Variants in GASK1A observed in about 807,000 individuals in gnomAD.
The protein encoded by GASK1A is Golgi-associated kinase 1A.
Under a neutral mutation model 41.2 loss-of-function variants are expected in GASK1A, and 40 were observed. The observed-to-expected ratio is 0.97, with a 90% CI of 0.75 to 1.27. The LOEUF (loss-of-function observed/expected upper bound fraction) is 1.27, where lower values mean the gene tolerates loss of function less well. Ranked by LOEUF, GASK1A falls within the 50% of genes most tolerant of loss-of-function variation. The probability of loss-of-function intolerance (pLI) is 0.00; values close to 1 mark genes in which losing one functional copy is unlikely to be tolerated. For missense variants in GASK1A, 678 were observed against 745.1 expected (o/e 0.91, Z 1.05); for synonymous variants, 316 against 307.1 (o/e 1.03, Z -0.30).
intron 2 of GASK1A, among the ~76,000 whole-genome samples, chr3:43,040,645 G>A (rs2089631594): frequency 6.6e-6 from 1 of 152,010 alleles, no homozygotes; most frequent in Admixed American, 6.6e-5. Context: ...CTTCAGCTGG[G>A]TCTTCACTTT....
intron 1 of GASK1A, among the ~76,000 whole-genome samples, chr3:43,015,549 C>T (rs913302513): frequency 7.0e-6 from 1 of 141,972 alleles, no homozygotes; most frequent in Non-Finnish European, 1.5e-5. Context: ...AAGAAAGGGG[C>T]TGTGTGAGGC....
chr3:43,001,321 C>G (rs755875037), intron 1 of GASK1A, among the ~76,000 whole-genome samples: 1 of 152,166 alleles, frequency 6.6e-6, no homozygotes, highest in Non-Finnish European at 1.5e-5. Context: ...ATATGCAGTC[C>G]GGGAAAGCGA....
intron 1 of GASK1A, among the ~76,000 whole-genome samples, chr3:43,001,391 G>GGC: frequency 6.6e-6 from 1 of 152,272 alleles, no homozygotes; most frequent in East Asian, 1.9e-4. Context: ...CATCTAGCCT[G>GGC]CAATGGACTT....
intron 2 of GASK1A, 123 bp downstream of exon 2, chr3:43,033,676 C>T (rs2089591667): frequency 1.2e-6 from 1 of 859,096 alleles, no homozygotes; most frequent in Non-Finnish European, 1.7e-6. Flanking sequence ...TTTTTGACCA[C>T]CAAGCACCTG....
chr3:42,998,495 C>T (rs939326277), intron 1 of GASK1A, among the ~76,000 whole-genome samples: 6 of 152,244 alleles, frequency 3.9e-5, no homozygotes, highest in South Asian at 2.1e-4. Context: ...TATGTCCCTG[C>T]GACTTTTATA....
At chr3:42,993,536 T>A (rs189336250) in intron 1 of GASK1A, among the ~76,000 whole-genome samples, 1 of 152,328 alleles carries the variant, frequency 6.6e-6, no homozygotes, top group Non-Finnish European at 1.5e-5. Context: ...GTATTTTTCA[T>A]TTTATACAAT....
At chr3:43,034,012 T>C (rs2089593138) in intron 2 of GASK1A, among the ~76,000 whole-genome samples, 1 of 152,220 alleles carries the variant, frequency 6.6e-6, no homozygotes. Flanking sequence ...TTGAAATCCG[T>C]CAGGGTGTGA....
chr3:43,001,646 T>G (rs753516131), intron 1 of GASK1A, among the ~76,000 whole-genome samples: 1 of 152,132 alleles, frequency 6.6e-6, no homozygotes, highest in Non-Finnish European at 1.5e-5. Flanking sequence ...GCTACTTACT[T>G]CCAGGGACAC....
intron 2 of GASK1A, among the ~76,000 whole-genome samples, chr3:43,051,372 AG>A (rs566493100): frequency 7.0e-4 from 107 of 152,336 alleles, no homozygotes; most frequent in African/African-American, 2.5e-3. Flanking sequence ...TCTTTGCCAA[AG>A]GACTCTGTGT....
chr3:43,047,639 T>C lies in GASK1A; in HGVS notation c.1291-5882T>C, dbSNP rs536907929. Among the ~76,000 whole-genome samples the C allele has an allele frequency of 3.3e-5, 5 of 152,248 alleles. No individual in the cohort carries two copies. In the East Asian group the frequency reaches 9.7e-4, roughly 29 times the overall value. ...TTGTTGAGGGGAGAGGTTCCTTCTC[T>C]CTCTCCCCTTCTCTCATACTCTTCT... On this transcript the variant is annotated intron_variant, in intron 2 of 4. Transcript: ENST00000430121.
intron 2 of GASK1A, among the ~76,000 whole-genome samples, chr3:43,034,603 A>G (rs949490189): frequency 1.3e-5 from 2 of 152,226 alleles, no homozygotes; most frequent in African/African-American, 4.8e-5. Flanking sequence ...CCTGTTGAAG[A>G]AAAGGGTCCT....
rs1259613260 is a variant in GASK1A at position 43,056,909 on chromosome 3, TA to T, written c.*529del. 6 of 152,192 alleles carry T rather than the reference TA, an allele frequency of 3.9e-5. No homozygotes were observed. The highest frequency in any genetic ancestry group is 8.8e-5 in the Non-Finnish European group (6 of 68,060). 9.4% of individuals were successfully genotyped at this position (152,192 alleles called of 1,614,324 possible). A position where few individuals can be genotyped will look rare whatever the true frequency, so the allele number is the denominator to read the frequency against. ...TTATTACTCAGTTATGTTTTTGGTT[TA>T]AAAAATTATAAAAGTCTAAAAGTAA... On this transcript the variant is annotated 3_prime_UTR_variant, in exon 5 of 5. Coordinates refer to ENST00000430121, the MANE Select transcript of GASK1A (RefSeq NM_001129908.3).
chr3:43,029,056 G>A (rs2089561822), intron 1 of GASK1A, among the ~76,000 whole-genome samples: 1 of 152,160 alleles, frequency 6.6e-6, no homozygotes, highest in Non-Finnish European at 1.5e-5. Context: ...AGAGGCCAGA[G>A]GGGATTTTCT....
Position 43,033,559 on chromosome 3 carries a change from TG to T in GASK1A, c.1290+10del, listed in dbSNP as rs1176647739. On this transcript the variant is annotated splice_region_variant and intron_variant, in intron 2 of 4. Coordinates refer to ENST00000430121, the MANE Select transcript of GASK1A (RefSeq NM_001129908.3). ...TCTTCGACTTCCTGTTGCAGGTAGG[TG>T]GGGTTGGGCAGCAGGGGTAGAGAGC... 1.3e-6 allele frequency: 2 copies of T among 1,521,014 alleles called. No homozygotes were observed. Among genetic ancestry groups the T allele is most frequent in the Non-Finnish European group, 1.8e-6 (2 of 1,129,030 alleles). The allele number at this position is 1,521,014 out of a possible 1,614,324, so 94.2% of individuals were successfully genotyped here. A position where few individuals can be genotyped will look rare whatever the true frequency, so the allele number is the denominator to read the frequency against.
intron 1 of GASK1A, among the ~76,000 whole-genome samples, chr3:43,004,212 G>A (rs536960123): frequency 2.0e-5 from 3 of 152,322 alleles, no homozygotes; most frequent in Middle Eastern, 3.4e-3. Flanking sequence ...TCAATGGGGA[G>A]AGATGTCTGG....
rs2089719987 is a variant in GASK1A at position 43,057,080 on chromosome 3, T to G, written c.*694T>G. The G allele has an allele frequency of 6.6e-6, 1 of 152,260 alleles. No homozygotes were observed. The highest frequency in any genetic ancestry group is 6.5e-5 in the Admixed American group (1 of 15,286). The allele number at this position is 152,260 out of a possible 1,614,324, so 9.4% of individuals were successfully genotyped here. On this transcript the variant is annotated 3_prime_UTR_variant, in exon 5 of 5. Coordinates refer to ENST00000430121, the MANE Select transcript of GASK1A (RefSeq NM_001129908.3). ...AAATTAAAAAATGAAAGTGTGGTCA[T>G]GCTTTGTCAACTCACTATATTTTTA...
chr3:43,029,322 C>T (rs971030889), intron 1 of GASK1A, among the ~76,000 whole-genome samples: 24 of 152,100 alleles, frequency 1.6e-4, no homozygotes, highest in Admixed American at 1.4e-3. Context: ...CATTTCAACC[C>T]TCTTCTTTGA....
intron 2 of GASK1A, among the ~76,000 whole-genome samples, chr3:43,050,194 T>C (rs148500618): frequency 1.8e-3 from 277 of 152,348 alleles, no homozygotes; most frequent in African/African-American, 6.4e-3. Context: ...TTAGTATTTC[T>C]TGTAGAAGAA....
chr3:43,004,897 T>C (rs528307488), intron 1 of GASK1A, among the ~76,000 whole-genome samples: 1 of 152,356 alleles, frequency 6.6e-6, no homozygotes, highest in Non-Finnish European at 1.5e-5. Context: ...GTGAGTCTTA[T>C]TTGGCTAAAA....
Sources: allele counts gnomAD v4.1 joint callset (sites outside exome capture counted in the v4.1 genomes callset), GRCh38; gene constraint gnomAD v4.1.1; transcripts MANE v1.5; gene names NCBI Gene and HGNC (gene_info 2026-07-23, HGNC 2026-07-21).